The following ZNF189 variants were observed in gnomAD, a reference collection of about 807,000 sequenced individuals.
ZNF189 encodes the protein zinc finger protein 189.
A neutral mutation model predicts 53.5 loss-of-function variants in ZNF189; 33 were observed. The ratio of observed to expected loss-of-function variants is 0.62; its 90% CI spans 0.47 to 0.82. The LOEUF is 0.82. Ranked by LOEUF, ZNF189 falls within the 40% of genes least tolerant of loss-of-function variation. ZNF189 has a pLI of 0.00. For synonymous variants in ZNF189, 247 were observed against 238.8 expected, an observed-to-expected ratio of 1.03 and a Z score of -0.32; for missense variants, 711 against 753.9, an observed-to-expected ratio of 0.94 and a Z score of 0.67.
At chr9:101,407,709 C>T (rs1830765051) in intron 2 of ZNF189, among the ~76,000 whole-genome samples, 1 of 152,068 alleles carries the variant, frequency 6.6e-6, no homozygotes, top group Non-Finnish European at 1.5e-5. Flanking sequence ...GCATCTGGTC[C>T]CTTCTGTTAA....
intron 2 of ZNF189, among the ~76,000 whole-genome samples, chr9:101,400,658 C>T (rs1405201069): frequency 6.6e-6 from 1 of 152,174 alleles, no homozygotes; most frequent in Non-Finnish European, 1.5e-5. Context: ...TATTTTAACT[C>T]GTGCCATGGA....
chr9:101,402,212 G>A (rs1830563535), intron 2 of ZNF189, among the ~76,000 whole-genome samples: 1 of 152,142 alleles, frequency 6.6e-6, no homozygotes, highest in African/African-American at 2.4e-5. Flanking sequence ...CACCGTGCGT[G>A]GCCCAAATCT....
Position 101,409,743 on chromosome 9 carries a change from C to A in ZNF189, c.*94C>A. The A allele has an allele frequency of 7.1e-7, 1 of 1,398,990 alleles. No homozygotes were observed. The allele number at this position is 1,398,990 out of a possible 1,614,324, so 86.7% of individuals were successfully genotyped here. A position where few individuals can be genotyped will look rare whatever the true frequency, so the allele number is the denominator to read the frequency against. On this transcript the variant is annotated 3_prime_UTR_variant, in exon 3 of 3. Transcript: ENST00000339664. ...ACATGGGTCAGATTTAGTGATAAAG[C>A]AAATTCTCCTTGGCCTCAGGCAAAT...
chr9:101,404,972 C>T (rs953980076), intron 2 of ZNF189, among the ~76,000 whole-genome samples: 4 of 151,958 alleles, frequency 2.6e-5, no homozygotes, highest in Non-Finnish European at 5.9e-5. Context: ...TTGCTTTAAA[C>T]TTAAAGATTG....
chr9:101,409,350 A>C lies in ZNF189; in HGVS notation c.1582A>C (p.Ile528Leu), dbSNP rs61758383. ...GKSFSQLCNL[I>L]RHQGVHTGNK... is the part of the protein sequence containing the mutation. Reference sequence around the variant, plus strand: ...AAGCTTTAGTCAGCTTTGTAATCTTATTCGACATCAGGGTGTTCACACAGG... The same window carrying C: ...AAGCTTTAGTCAGCTTTGTAATCTTCTTCGACATCAGGGTGTTCACACAGG... Residue 528 changes from isoleucine (I) to leucine (L), a missense_variant, in exon 3 of 3, where the codon ATT (isoleucine) becomes CTT (leucine). Transcript: ENST00000339664. 2.5e-6 allele frequency: 4 copies of C among 1,614,148 alleles called. No individual in the cohort carries two copies. The highest frequency in any genetic ancestry group is 1.3e-5 in the African/African-American group (1 of 75,038).
rs1349209397 is a variant in ZNF189, at chr9:101,410,222, G to C, written c.*573G>C. On this transcript the variant is annotated 3_prime_UTR_variant, in exon 3 of 3. Coordinates refer to ENST00000339664, the MANE Select transcript of ZNF189 (RefSeq NM_003452.4). ...CTGATGGTTCCCAGATCTATGAAATGAGTGGACCATTAACCTTACATGTAA... is the reference window on the plus strand; with the variant it reads ...CTGATGGTTCCCAGATCTATGAAATCAGTGGACCATTAACCTTACATGTAA... 6.5e-6 allele frequency: 1 copy of C among 152,750 alleles called. No individual in the cohort carries two copies. The highest frequency in any genetic ancestry group is 1.5e-5 in the Non-Finnish European group (1 of 68,136). 9.5% of individuals were successfully genotyped at this position (152,750 alleles called of 1,614,324 possible). A position where few individuals can be genotyped will look rare whatever the true frequency, so the allele number is the denominator to read the frequency against.
At chr9:101,406,944 T>C (rs926666923) in intron 2 of ZNF189, among the ~76,000 whole-genome samples, 3 of 152,196 alleles carry the variant, frequency 2.0e-5, no homozygotes, top group African/African-American at 4.8e-5. Context: ...TTGGGTCTTA[T>C]ATTGTTAGAG....
chr9:101,399,271 C>T (rs1209894147), intron 1 of ZNF189, 82 bp downstream of exon 1: 52 of 1,403,186 alleles, frequency 3.7e-5, no homozygotes, highest in Admixed American at 2.1e-4. Context: ...CCCCCAGGCC[C>T]CCCACCAACC....
intron 2 of ZNF189, among the ~76,000 whole-genome samples, chr9:101,404,929 A>C (rs1011481218): frequency 6.6e-6 from 1 of 152,260 alleles, no homozygotes; most frequent in Non-Finnish European, 1.5e-5. Context: ...GAATCTGTCT[A>C]GTGGACTTAG....
intron 2 of ZNF189, among the ~76,000 whole-genome samples, chr9:101,404,264 G>A (rs1830636155): frequency 6.6e-6 from 1 of 152,110 alleles, no homozygotes; most frequent in South Asian, 2.1e-4. Context: ...ATTACATTTT[G>A]TGTCTGGTAA....
chr9:101,407,958 C>A lies in ZNF189; in HGVS notation c.190C>A (p.Pro64Thr). ...TTTGAACAGAGATAAGGATGAGGAG[C>A]CAACTGTAAAACAAGAGATTGAAGA... ...DVLNRDKDEE[P>T]TVKQEIEEIE... is the part of the protein sequence containing the mutation. The change falls in exon 3 of 3, where the codon CCA becomes ACA. Residue 64 changes from proline (P) to threonine (T), a missense_variant. Physicochemically the swap from Pro to Thr is conservative, Grantham distance 38 (BLOSUM62 -1). Transcript: ENST00000339664. The A allele has an allele frequency of 6.3e-7, 1 of 1,589,438 alleles. No homozygotes were observed. Among genetic ancestry groups the A allele is most frequent in the Non-Finnish European group, 8.5e-7 (1 of 1,170,422 alleles).
Position 101,409,221 on chromosome 9 carries a change from C to T in ZNF189, c.1453C>T (p.Leu485=). The change falls in exon 3 of 3, where the codon CTA becomes TTA. Residue 485 remains leucine (L), a synonymous_variant. Transcript: ENST00000339664. ...QRIHTGEKPY[L]CTVCGKSFSR... is the part of the protein sequence containing the mutation. ...AATCCACACTGGTGAAAAGCCCTAT[C>T]TATGTACTGTCTGTGGGAAAAGCTT... 1 of 1,613,496 alleles carries T rather than the reference C, an allele frequency of 6.2e-7. No individual in the cohort carries two copies. The highest frequency in any genetic ancestry group is 8.5e-7 in the Non-Finnish European group (1 of 1,179,562).
At position 101,399,198 on chromosome 9, in the gene ZNF189, G is replaced by A. The variant is rs753400719; in HGVS notation, c.33+9G>A. 1.9e-6 allele frequency: 3 copies of A among 1,585,284 alleles called. No individual in the cohort carries two copies. Among genetic ancestry groups the A allele is most frequent in the South Asian group, 2.2e-5 (2 of 89,378 alleles). On this transcript the variant is annotated intron_variant, in intron 1 of 2. Coordinates refer to ENST00000339664, the MANE Select transcript of ZNF189 (RefSeq NM_003452.4). ...CCCCGCCGGAGTCGAAGGTAAGTAA[G>A]CACCCCCCCGGGGATCCCGGTTGTC...
Position 101,409,771 on chromosome 9 carries a change from T to C in ZNF189, c.*122T>C. The C allele has an allele frequency of 8.8e-7, 1 of 1,139,370 alleles. No homozygotes were observed. Among genetic ancestry groups the C allele is most frequent in the Non-Finnish European group, 1.2e-6 (1 of 831,386 alleles). The allele number at this position is 1,139,370 out of a possible 1,614,324, so 70.6% of individuals were successfully genotyped here. A position where few individuals can be genotyped will look rare whatever the true frequency, so the allele number is the denominator to read the frequency against. Reference sequence around the variant, plus strand: ...ATTCTCCTTGGCCTCAGGCAAATAGTTTCTAAAGATTCTGTGAATAGTGGA... The same window carrying C: ...ATTCTCCTTGGCCTCAGGCAAATAGCTTCTAAAGATTCTGTGAATAGTGGA... On this transcript the variant is annotated 3_prime_UTR_variant, in exon 3 of 3. Coordinates refer to ENST00000339664, the MANE Select transcript of ZNF189 (RefSeq NM_003452.4).
intron 2 of ZNF189, among the ~76,000 whole-genome samples, chr9:101,403,916 C>T (rs1016169220): frequency 1.1e-4 from 17 of 152,136 alleles, no homozygotes; most frequent in Admixed American, 7.2e-4. Flanking sequence ...TTCTCCTTGA[C>T]GGTTTAGTCT....
Position 101,408,912 on chromosome 9 carries a change from A to C in ZNF189, c.1144A>C (p.Ser382Arg). Residue 382 changes from serine (S) to arginine (R), a missense_variant, in exon 3 of 3, where the codon AGT becomes CGT. Coordinates refer to ENST00000339664, the MANE Select transcript of ZNF189 (RefSeq NM_003452.4). ...GTGCAAAGAGTGTGGGAAAAGTTTCAGTCAGCTTTGCAACCTTACTCGTCA... is the reference window on the plus strand; with the variant it reads ...GTGCAAAGAGTGTGGGAAAAGTTTCCGTCAGCTTTGCAACCTTACTCGTCA... ...YQCKECGKSFSQLCNLTRHQR... is the reference protein window; with the variant it reads ...YQCKECGKSFRQLCNLTRHQR... 1 of 1,614,110 alleles carries C rather than the reference A, an allele frequency of 6.2e-7. No homozygotes were observed. The highest frequency in any genetic ancestry group is 8.5e-7 in the Non-Finnish European group (1 of 1,180,010).
At position 101,408,843 on chromosome 9, in the gene ZNF189, C is replaced by T; in HGVS notation, c.1075C>T (p.Leu359Phe). 1 of 1,614,130 alleles carries T rather than the reference C, an allele frequency of 6.2e-7. No individual in the cohort carries two copies. Among genetic ancestry groups the T allele is most frequent in the Non-Finnish European group, 8.5e-7 (1 of 1,180,024 alleles). ...CGKSFSRSSF[L>F]IEHQRIHTGE... ...AAAAAGTTTCAGTCGGAGCTCATTC[C>T]TTATTGAACATCAGAGGATCCATAC... is the stretch of plus-strand genomic sequence containing the variant. Residue 359 changes from leucine to phenylalanine, a missense_variant, in exon 3 of 3, where the codon CTT (leucine) becomes TTT (phenylalanine). By Grantham distance (22) the Leu-to-Phe change is conservative. Coordinates refer to ENST00000339664, the MANE Select transcript of ZNF189 (RefSeq NM_003452.4).
intron 2 of ZNF189, chr9:101,407,601 C>T: frequency 2.4e-6 from 1 of 409,046 alleles, no homozygotes; most frequent in Non-Finnish European, 4.3e-6. Context: ...CTCACTGTTG[C>T]CCAGGCTGGT....
At chr9:101,402,901 A>G (rs1304956991) in intron 2 of ZNF189, among the ~76,000 whole-genome samples, 2 of 152,152 alleles carry the variant, frequency 1.3e-5, no homozygotes, top group African/African-American at 4.8e-5. Context: ...TTTAAAATAT[A>G]TTCTCTCTAC....
Sources: gnomAD v4.1 joint callset for allele counts (sites outside exome capture counted in the v4.1 genomes callset) on GRCh38, gnomAD v4.1.1 for gene constraint, MANE v1.5 for transcripts, NCBI Gene and HGNC (gene_info 2026-07-23, HGNC 2026-07-21) for gene names.